The following COL1A1 variants were observed in gnomAD, a reference collection of about 807,000 sequenced individuals.
COL1A1 encodes the protein collagen type I alpha 1 chain.
COL1A1 carries 21 observed loss-of-function variants against 195.7 expected under a neutral mutation model. The observed-to-expected ratio is 0.11, with a 90% CI of 0.08 to 0.15. The LOEUF (loss-of-function observed/expected upper bound fraction) is 0.15, where lower values mean the gene tolerates loss of function less well. Ranked by LOEUF, COL1A1 falls within the 10% of genes least tolerant of loss-of-function variation. The pLI is 1.00. For synonymous variants in COL1A1, 749 were observed against 747.3 expected (o/e 1.00, Z -0.04); for missense variants, 1,365 against 2,051.0 (o/e 0.67, Z 6.46).
Position 50,190,104 on chromosome 17 carries a change from G to A in COL1A1, c.2456C>T (p.Ala819Val), listed in dbSNP as rs2144553430. ...GPAGFAGPPG[A>V]DGQPGAKGEP... The stretch of plus-strand genomic sequence containing the variant: ...GCCTTTAGCACCAGGTTGGCCGTCA[G>A]CACCCTGGGGGAGGAAGCAGGGCGG... The change falls in exon 36 of 51, where the codon GCT becomes GTT. Residue 819 changes from alanine to valine, a missense_variant. Ala to Val is a moderately conservative substitution (Grantham distance 64). This residue lies in a region of COL1A1 where 671 missense variants were observed against 1,099.9 expected (regional missense o/e 0.61). Transcript: ENST00000225964. This position sits in a 1 kb window ranked among gnomAD's most constrained non-coding sequence, Gnocchi z 4.7. 2 of 1,613,718 alleles carry A rather than the reference G, an allele frequency of 1.2e-6. No individual in the cohort carries two copies. Among genetic ancestry groups the A allele is most frequent in the South Asian group, 1.1e-5 (1 of 91,066 alleles).
In COL1A1 at chr17:50,201,503, A is replaced by G. The variant is rs1245366871; in HGVS notation, c.11T>C (p.Phe4Ser). MFSFVDLRLLLLLA... is the reference protein window; with the variant it reads MFSSVDLRLLLLLA... ...GAGGAGCAGGAGCCGGAGGTCCACA[A>G]AGCTGAACATGTCTAGACCCTAGAC... The change falls in exon 1 of 51, where the codon TTT becomes TCT. Residue 4 changes from phenylalanine to serine, a missense_variant. Around this residue, in one of 5 missense-constraint regions of COL1A1, gnomAD observed 194 missense variants for 221.7 expected, o/e 0.88. Coordinates refer to ENST00000225964, the MANE Select transcript of COL1A1 (RefSeq NM_000088.4). The G allele has an allele frequency of 6.2e-7, 1 of 1,611,676 alleles. No homozygotes were observed.
Position 50,195,780 on chromosome 17 carries a change from A to T in COL1A1, c.1057-115T>A. The T allele has an allele frequency of 7.4e-7, 1 of 1,350,966 alleles. No individual in the cohort carries two copies. Among genetic ancestry groups the T allele is most frequent in the Non-Finnish European group, 1.0e-6 (1 of 962,822 alleles). 83.7% of individuals were successfully genotyped at this position (1,350,966 alleles called of 1,614,324 possible). On this transcript the variant is annotated intron_variant, in intron 16 of 50. Coordinates refer to ENST00000225964, the MANE Select transcript of COL1A1 (RefSeq NM_000088.4). The surrounding 1 kb of genome is among the most constrained non-coding windows in gnomAD (Gnocchi z 4.3). ...GGAGAGCAATGATCAGGACTCTAAG[A>T]TCAGAGACGGAGAACCCAGGACAAA...
intron 28 of COL1A1, 46 bp from the exon 29 acceptor site, chr17:50,192,574 T>C (rs1907189466): frequency 6.2e-7 from 1 of 1,613,950 alleles, no homozygotes; most frequent in African/African-American, 1.3e-5. Context: ...GTTTAGAATC[T>C]GGAAGAGACC....
In COL1A1 at chr17:50,189,773, C is replaced by T. The variant is rs374861855; in HGVS notation, c.2614-41G>A. On this transcript the variant is annotated intron_variant, in intron 37 of 50. Coordinates refer to ENST00000225964, the MANE Select transcript of COL1A1 (RefSeq NM_000088.4). The surrounding 1 kb of genome is among the most constrained non-coding windows in gnomAD (Gnocchi z 5.5). Reference sequence around the variant, plus strand: ...ATAGGAACAGTCAGAGGGAGAACAGCCAACTCATCCGACCCAGCTGCCCTC... The same window carrying T: ...ATAGGAACAGTCAGAGGGAGAACAGTCAACTCATCCGACCCAGCTGCCCTC... The T allele has an allele frequency of 1.2e-5, 20 of 1,612,978 alleles. No individual in the cohort carries two copies. In the African/African-American group the frequency reaches 2.7e-4, roughly 22 times the overall value.
intron 31 of COL1A1, 79 bp from the exon 32 acceptor site, chr17:50,191,569 T>A: frequency 7.3e-7 from 1 of 1,376,526 alleles, no homozygotes; most frequent in Non-Finnish European, 1.0e-6. Flanking sequence ...GCTTGGTATC[T>A]CCCAGGCTTG....
Position 50,195,392 on chromosome 17 carries a change from G to A in COL1A1, c.1200+42C>T. 6.2e-7 allele frequency: 1 copy of A among 1,613,850 alleles called. No homozygotes were observed. On this transcript the variant is annotated intron_variant, in intron 18 of 50. Transcript: ENST00000225964. The surrounding 1 kb of genome is among the most constrained non-coding windows in gnomAD (Gnocchi z 4.3). ...GCAGAGGGAAAGGGGCAGGCAGGCT[G>A]CAGGCGGCAGGAGTGGGACTGAAGC...
rs936697325 is a variant in COL1A1 at position 50,201,446 on chromosome 17, T to A, written c.68A>T (p.Gln23Leu). 6.2e-7 allele frequency: 1 copy of A among 1,613,734 alleles called. No homozygotes were observed. The highest frequency in any genetic ancestry group is 8.5e-7 in the Non-Finnish European group (1 of 1,180,022). The stretch of plus-strand genomic sequence containing the variant: ...TTGGCCCTCGACTTGGCCTTCCTCT[T>A]GGCCGTGCGTCAGGAGGGCGGTGGC... ...LAATALLTHG[Q>L]EEGQVEGQDE... The change falls in exon 1 of 51, where the codon CAA becomes CTA. Residue 23 changes from glutamine (Q) to leucine (L), a missense_variant. Physicochemically the swap from Gln to Leu is moderately radical, Grantham distance 113 (BLOSUM62 -2). Around this residue, in one of 5 missense-constraint regions of COL1A1, gnomAD observed 194 missense variants for 221.7 expected, o/e 0.88. Coordinates refer to ENST00000225964, the MANE Select transcript of COL1A1 (RefSeq NM_000088.4).
rs976582678 is a variant in COL1A1 at position 50,192,534 on chromosome 17, G to A, written c.1930-6C>T. ...CCAGCAGGACCAGGGAGACCCTGTA[G>A]GTGGGAAATGGGGGAAGAAGGGAGG... On this transcript the variant is annotated splice_polypyrimidine_tract_variant and splice_region_variant and intron_variant, in intron 28 of 50. Coordinates refer to ENST00000225964, the MANE Select transcript of COL1A1 (RefSeq NM_000088.4). The A allele has an allele frequency of 6.2e-7, 1 of 1,614,054 alleles. No homozygotes were observed. Among genetic ancestry groups the A allele is most frequent in the Non-Finnish European group, 8.5e-7 (1 of 1,179,958 alleles).
Position 50,195,634 on chromosome 17 carries a change from G to T in COL1A1, c.1088C>A (p.Ser363Tyr). ...ACCACGCACACCCTGGGGACCTTCA[G>T]AGCCTCGGGGCCCTTGGGGACCAGC... is the stretch of plus-strand genomic sequence containing the variant. ...GEAGPQGPRG[S>Y]EGPQGVRGEP... The change falls in exon 17 of 51, where the codon TCT becomes TAT. Residue 363 changes from serine (S) to tyrosine (Y), a missense_variant. Around this residue, in one of 5 missense-constraint regions of COL1A1, gnomAD observed 226 missense variants for 372.9 expected, o/e 0.61. Coordinates refer to ENST00000225964, the MANE Select transcript of COL1A1 (RefSeq NM_000088.4). The surrounding 1 kb of genome is among the most constrained non-coding windows in gnomAD (Gnocchi z 4.3). 1 of 1,613,810 alleles carries T rather than the reference G, an allele frequency of 6.2e-7. No individual in the cohort carries two copies. The highest frequency in any genetic ancestry group is 8.5e-7 in the Non-Finnish European group (1 of 1,179,886).
At chr17:50,187,559 C>A in intron 45 of COL1A1, 22 bp from the exon 46 acceptor site, 1 of 1,613,636 alleles carries the variant, frequency 6.2e-7, no homozygotes, top group Non-Finnish European at 8.5e-7. Context: ...ATAAAAAAGG[C>A]AGTTCAGGCC....
At position 50,195,397 on chromosome 17, in the gene COL1A1, C is replaced by A. The variant is rs747740650; in HGVS notation, c.1200+37G>T. On this transcript the variant is annotated intron_variant, in intron 18 of 50. Coordinates refer to ENST00000225964, the MANE Select transcript of COL1A1 (RefSeq NM_000088.4). The surrounding 1 kb of genome is among the most constrained non-coding windows in gnomAD (Gnocchi z 4.3). ...GGGAAAGGGGCAGGCAGGCTGCAGG[C>A]GGCAGGAGTGGGACTGAAGCCTGGC... 1 of 1,613,936 alleles carries A rather than the reference C, an allele frequency of 6.2e-7. No homozygotes were observed. Among genetic ancestry groups the A allele is most frequent in the Non-Finnish European group, 8.5e-7 (1 of 1,179,836 alleles).
rs373003831 is a variant in COL1A1, at chr17:50,199,624, G to A, written c.299-34C>T. Reference sequence around the variant, plus strand: ...CGAAGAGACGCGCGTTAGAGCCAAGGTTTGCTAATGCTGCTCCCGTCGGCA... The same window carrying A: ...CGAAGAGACGCGCGTTAGAGCCAAGATTTGCTAATGCTGCTCCCGTCGGCA... On this transcript the variant is annotated intron_variant, in intron 2 of 50. Coordinates refer to ENST00000225964, the MANE Select transcript of COL1A1 (RefSeq NM_000088.4). 1.4e-5 allele frequency: 22 copies of A among 1,613,764 alleles called. No individual in the cohort carries two copies. In the African/African-American group the frequency reaches 2.8e-4, roughly 21 times the overall value.
rs780775891 is a variant in COL1A1, at chr17:50,201,445, T to C, written c.69A>G (p.Gln23=). 2 of 1,613,764 alleles carry C rather than the reference T, an allele frequency of 1.2e-6. No individual in the cohort carries two copies. Among genetic ancestry groups the C allele is most frequent in the Non-Finnish European group, 1.7e-6 (2 of 1,180,034 alleles). ...LAATALLTHG[Q]EEGQVEGQDE... The stretch of plus-strand genomic sequence containing the variant: ...CTTGGCCCTCGACTTGGCCTTCCTC[T>C]TGGCCGTGCGTCAGGAGGGCGGTGG... Residue 23 remains glutamine (Q), a synonymous_variant, in exon 1 of 51, where the codon CAA becomes CAG. Transcript: ENST00000225964.
rs1907301010 is a variant in COL1A1 at position 50,193,632 on chromosome 17, CCACCACA to C, written c.1767+304_1767+310del. 4 of 384,616 alleles carry C rather than the reference CCACCACA, an allele frequency of 1.0e-5. No homozygotes were observed. In the Admixed American group the frequency reaches 1.5e-4, roughly 14 times the overall value. 23.8% of individuals were successfully genotyped at this position (384,616 alleles called of 1,614,324 possible). ...GACTAGCTGGGGTTACAGGTGCACA[CCACCACA>C]CCCAGCTAATCTTTTGTATTTTTAG... On this transcript the variant is annotated intron_variant, in intron 25 of 50. Coordinates refer to ENST00000225964, the MANE Select transcript of COL1A1 (RefSeq NM_000088.4).
In COL1A1 at chr17:50,189,325, C is replaced by T; in HGVS notation, c.2830-50G>A. The T allele has an allele frequency of 6.2e-7, 1 of 1,613,800 alleles. No individual in the cohort carries two copies. On this transcript the variant is annotated intron_variant, in intron 39 of 50. Coordinates refer to ENST00000225964, the MANE Select transcript of COL1A1 (RefSeq NM_000088.4). This position sits in a 1 kb window ranked among gnomAD's most constrained non-coding sequence, Gnocchi z 5.5. ...GTGCCAGAGAGCAGCACAGGGACCC[C>T]TCCCCAGCTCTGCACACCTCCGGAG... is the stretch of plus-strand genomic sequence containing the variant.
intron 1 of COL1A1, among the ~76,000 whole-genome samples, chr17:50,200,868 C>G (rs1225886742): frequency 1.3e-5 from 2 of 152,206 alleles, no homozygotes; most frequent in African/African-American, 4.8e-5. Flanking sequence ...AGACGCAGTG[C>G]TCAGCATCGG....
chr17:50,190,991 G>C lies in COL1A1; in HGVS notation c.2236-67C>G. ...GGAGGTGACCTATAGTGTTCTGCTT[G>C]TGTCTGGGTTTCCTGAGAGGCCCTC... On this transcript the variant is annotated intron_variant, in intron 32 of 50. Coordinates refer to ENST00000225964, the MANE Select transcript of COL1A1 (RefSeq NM_000088.4). This position sits in a 1 kb window ranked among gnomAD's most constrained non-coding sequence, Gnocchi z 4.7. 3 of 1,480,410 alleles carry C rather than the reference G, an allele frequency of 2.0e-6. No individual in the cohort carries two copies. Among genetic ancestry groups the C allele is most frequent in the Non-Finnish European group, 2.8e-6 (3 of 1,065,692 alleles). 91.7% of individuals were successfully genotyped at this position (1,480,410 alleles called of 1,614,324 possible).
At position 50,195,834 on chromosome 17, in the gene COL1A1, C is replaced by T. The variant is rs1907533164; in HGVS notation, c.1056+89G>A. 5 of 1,490,246 alleles carry T rather than the reference C, an allele frequency of 3.4e-6. No individual in the cohort carries two copies. Among genetic ancestry groups the T allele is most frequent in the Non-Finnish European group, 4.6e-6 (5 of 1,091,422 alleles). 92.3% of individuals were successfully genotyped at this position (1,490,246 alleles called of 1,614,324 possible). ...GTTAGTGAACGGGCTGCTCTCTTGC[C>T]ACTCTGGGTCCCTTTGGTTTGGGGA... On this transcript the variant is annotated intron_variant, in intron 16 of 50. Coordinates refer to ENST00000225964, the MANE Select transcript of COL1A1 (RefSeq NM_000088.4). This position sits in a 1 kb window ranked among gnomAD's most constrained non-coding sequence, Gnocchi z 4.3.
In COL1A1 at chr17:50,186,621, G is replaced by T. The variant is rs780452624; in HGVS notation, c.3814+19C>A. 6.2e-7 allele frequency: 1 copy of T among 1,613,384 alleles called. No homozygotes were observed. The highest frequency in any genetic ancestry group is 1.3e-5 in the African/African-American group (1 of 75,020). ...ATGGCAGGAGTAGGAGGGAGGGAGA[G>T]GCTAGGGCAGGCCCTCACCACTCTT... On this transcript the variant is annotated intron_variant, in intron 48 of 50. Transcript: ENST00000225964. This position sits in a 1 kb window ranked among gnomAD's most constrained non-coding sequence, Gnocchi z 5.3.
Sources: gnomAD v4.1 joint callset for allele counts (sites outside exome capture counted in the v4.1 genomes callset) on GRCh38, gnomAD v4.1.1 for gene constraint, gnomAD v4.1.1 regional missense constraint, Gnocchi (gnomAD v3.1) non-coding constraint, MANE v1.5 for transcripts, NCBI Gene and HGNC (gene_info 2026-07-23, HGNC 2026-07-21) for gene names.